Variants in MYOM2 observed in about 807,000 individuals in gnomAD.
The protein encoded by MYOM2 is myomesin 2, also known as myomesin-2.
A neutral mutation model predicts 187.6 loss-of-function variants in MYOM2; 254 were observed. That is an observed-to-expected ratio of 1.35 (90% CI 1.22 to 1.50). The LOEUF is 1.50. Among genes scored for constraint, MYOM2 ranks in the 40% most tolerant of loss-of-function variants. The pLI is 0.00. For synonymous variants in MYOM2, 981 were observed against 753.8 expected, an observed-to-expected ratio of 1.30 and a Z score of -4.94; for missense variants, 2,796 against 1,924.0, an observed-to-expected ratio of 1.45 and a Z score of -8.48.
In MYOM2 at chr8:2,102,713, C is replaced by T; in HGVS notation, c.2666C>T (p.Ala889Val). Residue 889 changes from alanine (A) to valine (V), a missense_variant, in exon 21 of 37, where the codon GCA becomes GTA. By Grantham distance (64) the Ala-to-Val change is moderately conservative (BLOSUM62 0). Transcript: ENST00000262113. ...QGKTYVFRVR[A>V]VNANGVGKPS... ...AAGACCTATGTCTTCAGGGTCCGGGCAGTCAATGCAAATGGCGTGGGGAAG... is the reference window on the plus strand; with the variant it reads ...AAGACCTATGTCTTCAGGGTCCGGGTAGTCAATGCAAATGGCGTGGGGAAG... 1.9e-6 allele frequency: 3 copies of T among 1,614,086 alleles called. No homozygotes were observed. The highest frequency in any genetic ancestry group is 2.5e-6 in the Non-Finnish European group (3 of 1,179,924).
intron 6 of MYOM2, 115 bp downstream of exon 6, chr8:2,059,360 C>A (rs769604372): frequency 5.0e-6 from 4 of 803,756 alleles, no homozygotes; most frequent in Admixed American, 2.7e-5. Context: ...GTTTGCACCC[C>A]GGGTGACTTT....
intron 28 of MYOM2, chr8:2,119,291 C>G (rs1797347533): frequency 6.6e-6 from 1 of 152,528 alleles, no homozygotes; most frequent in African/African-American, 2.4e-5. Flanking sequence ...AGGAACATCA[C>G]AAACAATTGG....
chr8:2,078,884 C>G lies in MYOM2; in HGVS notation c.1413C>G (p.Val471=). 1 of 1,614,046 alleles carries G rather than the reference C, an allele frequency of 6.2e-7. No homozygotes were observed. The highest frequency in any genetic ancestry group is 8.5e-7 in the Non-Finnish European group (1 of 1,179,908). Residue 471 remains valine (V), a synonymous_variant, in exon 12 of 37, where the codon GTC becomes GTG. Transcript: ENST00000262113. The part of the protein sequence containing the change: ...NSAGISRPSR[V]SDAVAALDPL... The stretch of plus-strand genomic sequence containing the variant: ...CGGGCATCAGCCGACCCTCCAGGGT[C>G]TCTGATGCGGTGGCTGCACTTGACC...
intron 5 of MYOM2, among the ~76,000 whole-genome samples, chr8:2,058,378 G>C (rs1187223674): frequency 6.6e-6 from 1 of 152,136 alleles, no homozygotes; most frequent in African/African-American, 2.4e-5. Context: ...CTGTTTGCAA[G>C]AGCACGTGCA....
intron 27 of MYOM2, 31 bp downstream of exon 27, chr8:2,116,306 G>C: frequency 6.3e-7 from 1 of 1,594,578 alleles, no homozygotes; most frequent in South Asian, 1.1e-5. Context: ...CGGCTCCCCT[G>C]CCCCTAGCAT....
At chr8:2,071,801 T>G (rs1481488881) in intron 8 of MYOM2, among the ~76,000 whole-genome samples, 1 of 152,200 alleles carries the variant, frequency 6.6e-6, no homozygotes, top group Non-Finnish European at 1.5e-5. Context: ...TGGCTTCTGG[T>G]GAGGAGCCTC....
rs915565859 is a variant in MYOM2 at position 2,094,172 on chromosome 8, T to C, written c.2125+81T>C. 3 of 1,543,150 alleles carry C rather than the reference T, an allele frequency of 1.9e-6. No homozygotes were observed. The African/African-American group carries it at 4.1e-5, about 21-fold the overall frequency. On this transcript the variant is annotated intron_variant, in intron 17 of 36. Coordinates refer to ENST00000262113, the MANE Select transcript of MYOM2 (RefSeq NM_003970.4). ...CATGAATAAACATTTGTGATGCCAT[T>C]TGGAATGTCATTGAAGGGGAAAAGG...
chr8:2,096,182 G>C (rs959264327), intron 17 of MYOM2, 65 bp from the exon 18 acceptor site: 1 of 1,520,814 alleles, frequency 6.6e-7, no homozygotes, highest in African/African-American at 1.4e-5. Context: ...ACTGGAGCTG[G>C]CTGCCCCGGG....
At position 2,085,490 on chromosome 8, in the gene MYOM2, C is replaced by A. The variant is rs1292422852; in HGVS notation, c.1644+100C>A. The A allele has an allele frequency of 4.1e-5, 57 of 1,377,070 alleles. 3 individuals are homozygous for A. Among genetic ancestry groups the A allele is most frequent in the African/African-American group, 1.7e-4 (11 of 66,468 alleles). 85.3% of individuals were successfully genotyped at this position (1,377,070 alleles called of 1,614,324 possible). A position where few individuals can be genotyped will look rare whatever the true frequency, so the allele number is the denominator to read the frequency against. On this transcript the variant is annotated intron_variant, in intron 14 of 36. Coordinates refer to ENST00000262113, the MANE Select transcript of MYOM2 (RefSeq NM_003970.4). ...ACCGCTGTCGTGATCTCCGCGTGGC[C>A]CCTCACTGTTGTGATCTCCGCGTGG...
chr8:2,111,632 G>C (rs182917127), intron 25 of MYOM2, among the ~76,000 whole-genome samples: 1 of 152,182 alleles, frequency 6.6e-6, no homozygotes, highest in Non-Finnish European at 1.5e-5. Flanking sequence ...CAAGGTCCAC[G>C]GGACGGTGTA....
At chr8:2,076,551 A>C in intron 11 of MYOM2, 1 of 423,824 alleles carries the variant, frequency 2.4e-6, no homozygotes, top group Non-Finnish European at 4.2e-6. Flanking sequence ...AATCCCACCA[A>C]CGTCTTCAGG....
rs760683300 is a variant in MYOM2, at chr8:2,102,778, C to G, written c.2731C>G (p.Pro911Ala). 6 of 1,611,290 alleles carry G rather than the reference C, an allele frequency of 3.7e-6. No homozygotes were observed. The highest frequency in any genetic ancestry group is 5.1e-6 in the Non-Finnish European group (6 of 1,177,698). ...GGAGCCTGTGCTGGTAGAGGCGAGA[C>G]CAGGTAAGGCTTACAACAAAAACTA... ...TSEPVLVEAR[P>A]GTKEISAGVD... is the part of the protein sequence containing the mutation. Residue 911 changes from proline to alanine, a missense_variant, in exon 21 of 37, where the codon CCA becomes GCA. By Grantham distance (27) the Pro-to-Ala change is conservative. Transcript: ENST00000262113.
chr8:2,067,597 C>G (rs1465916485), intron 6 of MYOM2, among the ~76,000 whole-genome samples: 2 of 152,190 alleles, frequency 1.3e-5, no homozygotes, highest in African/African-American at 2.4e-5. Flanking sequence ...TCCTTACCCC[C>G]TCTTGTCTCC....
At chr8:2,060,585 C>T (rs952356237) in intron 6 of MYOM2, among the ~76,000 whole-genome samples, 6 of 152,118 alleles carry the variant, frequency 3.9e-5, no homozygotes, top group African/African-American at 1.2e-4. Context: ...AACTGTAAAG[C>T]AGTGAGTGCA....
intron 25 of MYOM2, among the ~76,000 whole-genome samples, chr8:2,113,217 C>A (rs1054367627): frequency 6.6e-6 from 1 of 152,218 alleles, no homozygotes; most frequent in African/African-American, 2.4e-5. Context: ...ATTCCCTCGA[C>A]GCCATCGTGC....
intron 32 of MYOM2, among the ~76,000 whole-genome samples, chr8:2,129,957 GGACA>G (rs1451327868): frequency 6.6e-6 from 1 of 152,192 alleles, no homozygotes; most frequent in African/African-American, 2.4e-5. Flanking sequence ...TGGGTGGGAA[GGACA>G]GACAGAGCAG....
In MYOM2 at chr8:2,109,476, C is replaced by T. The variant is rs750729282; in HGVS notation, c.3125C>T (p.Ser1042Leu). Residue 1042 changes from serine to leucine, a missense_variant, in exon 25 of 37, where the codon TCA becomes TTA. Physicochemically the swap from Ser to Leu is moderately radical, Grantham distance 145 (BLOSUM62 -2). Coordinates refer to ENST00000262113, the MANE Select transcript of MYOM2 (RefSeq NM_003970.4). ...TTCTGGCTCCAGGCTGAGCACTTAT[C>T]ACCAGATGCCAGCTACCGATTTATT... Reference protein sequence around the residue: ...VRFWLQAEHLSPDASYRFIIN... With the variant: ...VRFWLQAEHLLPDASYRFIIN... The T allele has an allele frequency of 1.2e-6, 2 of 1,613,388 alleles. No homozygotes were observed. The highest frequency in any genetic ancestry group is 2.7e-5 in the African/African-American group (2 of 74,880).
At chr8:2,067,742 T>A (rs749862204) in intron 6 of MYOM2, among the ~76,000 whole-genome samples, 2 of 99,664 alleles carry the variant, frequency 2.0e-5, no homozygotes, top group Non-Finnish European at 4.3e-5. Context: ...TATTCCTAAG[T>A]CATGTTTTTT....
intron 13 of MYOM2, among the ~76,000 whole-genome samples, chr8:2,080,029 T>G (rs6558595): frequency 1.3e-5 from 2 of 152,200 alleles, no homozygotes; most frequent in East Asian, 3.9e-4. Flanking sequence ...TTAACTGAAA[T>G]GGATTGAGTC....
Sources: gnomAD v4.1 joint callset for allele counts (sites outside exome capture counted in the v4.1 genomes callset) on GRCh38, gnomAD v4.1.1 for gene constraint, MANE v1.5 for transcripts, NCBI Gene and HGNC (gene_info 2026-07-23, HGNC 2026-07-21) for gene names.